Variants in ESR1 observed in about 807,000 individuals in gnomAD.
ESR1 encodes the protein estrogen receptor.
In ESR1, 12 loss-of-function variants were observed where a neutral mutation model predicts 52.7. That is an observed-to-expected ratio of 0.23 (90% confidence interval 0.15 to 0.37). ESR1 has a LOEUF of 0.37. ESR1 is among the 10% of genes least tolerant of loss of function. ESR1 has a pLI of 1.00. For missense variants in ESR1, 584 were observed against 779.7 expected (o/e 0.75, Z 2.99); for synonymous variants, 305 against 316.8 (o/e 0.96, Z 0.39).
At chr6:152,048,933 A>G (rs925816157) in intron 5 of ESR1, among the ~76,000 whole-genome samples, 4 of 152,344 alleles carry the variant, frequency 2.6e-5, no homozygotes, top group Admixed American at 1.3e-4. Flanking sequence ...GAAAAACTTC[A>G]TAATTGCTGT....
chr6:152,035,105 T>A (rs2045168038), intron 5 of ESR1, among the ~76,000 whole-genome samples: 1 of 152,158 alleles, frequency 6.6e-6, no homozygotes, highest in Admixed American at 6.5e-5. Context: ...CAGTTTTTTT[T>A]AAACCATGAA....
At chr6:151,839,827 G>C (rs1334606797) in intron 1 of ESR1, among the ~76,000 whole-genome samples, 1 of 152,116 alleles carries the variant, frequency 6.6e-6, no homozygotes, top group African/African-American at 2.4e-5. Context: ...AATTATTGTT[G>C]AATGGGTATG....
chr6:151,876,909 CACAGAAGG>C (rs1323625145), intron 2 of ESR1, among the ~76,000 whole-genome samples: 5 of 151,864 alleles, frequency 3.3e-5, no homozygotes, highest in Non-Finnish European at 5.9e-5. Flanking sequence ...TCCGGGCCTG[CACAGAAGG>C]ACTTTTCGGG....
At chr6:151,768,100 G>A (rs1785213194) in intron 2 of ESR1, among the ~76,000 whole-genome samples, 1 of 152,134 alleles carries the variant, frequency 6.6e-6, no homozygotes, top group Admixed American at 6.5e-5. Flanking sequence ...ACCAGAAACA[G>A]GATATTTTTA....
At chr6:151,925,880 T>G (rs1463447342) in intron 3 of ESR1, among the ~76,000 whole-genome samples, 1 of 152,136 alleles carries the variant, frequency 6.6e-6, no homozygotes, top group Admixed American at 6.5e-5. Context: ...ACTACCAAAT[T>G]CAATATCATA....
chr6:152,035,626 G>C (rs1276096928), intron 5 of ESR1, among the ~76,000 whole-genome samples: 1 of 152,154 alleles, frequency 6.6e-6, no homozygotes, highest in Non-Finnish European at 1.5e-5. Flanking sequence ...GAAAATTAAA[G>C]TTGAGAGATG....
intron 4 of ESR1, among the ~76,000 whole-genome samples, chr6:151,963,631 A>G (rs772588634): frequency 1.3e-5 from 2 of 152,174 alleles, no homozygotes; most frequent in Non-Finnish European, 2.9e-5. Context: ...TCTGTGGGTT[A>G]TCTTTTCACT....
intron 5 of ESR1, among the ~76,000 whole-genome samples, chr6:152,051,511 G>C (rs1313232386): frequency 1.3e-5 from 2 of 152,068 alleles, no homozygotes; most frequent in African/African-American, 4.8e-5. Context: ...CCTCCTCCTT[G>C]GTGCTTTCTT....
chr6:151,739,461 C>G (rs184206799), intron 2 of ESR1, among the ~76,000 whole-genome samples: 3 of 152,296 alleles, frequency 2.0e-5, no homozygotes, highest in East Asian at 3.9e-4. Context: ...TATTTCTTCT[C>G]ATTGACACCA....
chr6:151,998,405 A>G (rs1461951972), intron 4 of ESR1, among the ~76,000 whole-genome samples: 3 of 151,846 alleles, frequency 2.0e-5, no homozygotes, highest in Non-Finnish European at 4.4e-5. Flanking sequence ...TCTTGCAAAC[A>G]TTCACTCAGA....
chr6:151,758,578 T>A (rs571174775), intron 2 of ESR1, among the ~76,000 whole-genome samples: 1 of 151,932 alleles, frequency 6.6e-6, no homozygotes, highest in South Asian at 2.1e-4. Flanking sequence ...CTGGCCAACA[T>A]GGTGAAACCG....
chr6:152,087,449 C>A (rs926976064), intron 6 of ESR1, among the ~76,000 whole-genome samples: 22 of 152,178 alleles, frequency 1.4e-4, no homozygotes, highest in African/African-American at 5.1e-4. Context: ...CAATAGGCTA[C>A]AAAATGTATA....
rs1405768889 is a variant in ESR1 at position 152,109,830 on chromosome 6, T to C, written c.851-15436T>C. Among the ~76,000 whole-genome samples, 6 of 152,202 alleles carry C rather than the reference T, an allele frequency of 3.9e-5. No homozygotes were observed. The East Asian group carries it at 1.2e-3, about 29-fold the overall frequency. On this transcript the variant is annotated intron_variant, in intron 6 of 6. Coordinates refer to the ESR1 transcript ENST00000427531. ...GCCTATAGATAACCTGGGGTGCCGG[T>C]TGAAGGGAAGGGTGGGGAGAATTTC...
In ESR1 at chr6:152,094,445, G is replaced by T. The variant is rs570661763; in HGVS notation, c.1430G>T (p.Arg477Leu). Residue 477 changes from arginine (R) to leucine (L), a missense_variant, in exon 7 of 8, where the codon CGA becomes CTA. Arg to Leu is a moderately radical substitution (Grantham distance 102, BLOSUM62 -2). Coordinates refer to ENST00000206249, the MANE Select transcript of ESR1 (RefSeq NM_000125.4). The surrounding 1 kb of genome is among the most constrained non-coding windows in gnomAD (Gnocchi z 4.6). Reference sequence around the variant, plus strand: ...CTGGAAGAGAAGGACCATATCCACCGAGTCCTGGACAAGATCACAGACACT... The same window carrying T: ...CTGGAAGAGAAGGACCATATCCACCTAGTCCTGGACAAGATCACAGACACT... ...KSLEEKDHIH[R>L]VLDKITDTLI... 2 of 1,614,018 alleles carry T rather than the reference G, an allele frequency of 1.2e-6. No individual in the cohort carries two copies. The highest frequency in any genetic ancestry group is 2.2e-5 in the South Asian group (2 of 91,056).
intron 4 of ESR1, among the ~76,000 whole-genome samples, chr6:151,956,865 T>A (rs868587561): frequency 2.4e-4 from 18 of 74,702 alleles, no homozygotes; most frequent in African/African-American, 5.7e-4. Flanking sequence ...TATATATAAA[T>A]ATATATATAT....
At chr6:151,679,261 C>A (rs183763890) in intron 1 of ESR1, among the ~76,000 whole-genome samples, 2 of 152,186 alleles carry the variant, frequency 1.3e-5, no homozygotes, top group Non-Finnish European at 2.9e-5. Flanking sequence ...ACTCCTCCCC[C>A]GTGTGACTCA....
chr6:151,921,669 T>A (rs919448741), intron 3 of ESR1, among the ~76,000 whole-genome samples: 3 of 152,232 alleles, frequency 2.0e-5, no homozygotes, highest in Non-Finnish European at 4.4e-5. Flanking sequence ...TGGTTTTGAT[T>A]TGCATTTCTC....
intron 3 of ESR1, among the ~76,000 whole-genome samples, chr6:151,942,970 T>C (rs1442457346): frequency 6.6e-6 from 1 of 152,240 alleles, no homozygotes; most frequent in Non-Finnish European, 1.5e-5. Context: ...CAGTACAGTA[T>C]GGCCTTTTTC....
At chr6:151,815,940 C>A (rs967364477) in intron 1 of ESR1, among the ~76,000 whole-genome samples, 1 of 152,066 alleles carries the variant, frequency 6.6e-6, no homozygotes, top group Non-Finnish European at 1.5e-5. Context: ...TTTAAAATGG[C>A]CCCTAAGCAT....
Sources: gnomAD v4.1 joint callset for allele counts (sites outside exome capture counted in the v4.1 genomes callset) on GRCh38, gnomAD v4.1.1 for gene constraint, Gnocchi (gnomAD v3.1) non-coding constraint, MANE v1.5 for transcripts, NCBI Gene and HGNC (gene_info 2026-07-23, HGNC 2026-07-21) for gene names.